Variants in CD55 observed in about 807,000 individuals in gnomAD.
The protein encoded by CD55 is CD55 molecule (Cromer blood group).
In CD55, 41 loss-of-function variants were observed where a neutral mutation model predicts 45.8. The ratio of observed to expected loss-of-function variants is 0.90; its 90% CI spans 0.70 to 1.16. The LOEUF is 1.16. Among genes scored for constraint, CD55 ranks in the 50% most tolerant of loss-of-function variants. The probability of loss-of-function intolerance (pLI) is 0.00; values close to 1 mark genes in which losing one functional copy is unlikely to be tolerated. For synonymous variants in CD55, 181 were observed against 181.1 expected (o/e 1.00, Z 0.01); for missense variants, 416 against 469.8 (o/e 0.89, Z 1.06).
chr1:207,336,438 G>T (rs1655174940), intron 6 of CD55, among the ~76,000 whole-genome samples: 1 of 152,160 alleles, frequency 6.6e-6, no homozygotes, highest in South Asian at 2.1e-4. Flanking sequence ...TATTTCACAA[G>T]AAGCAGCTTA....
At chr1:207,344,484 A>C (rs1029572239) in intron 9 of CD55, among the ~76,000 whole-genome samples, 1 of 151,932 alleles carries the variant, frequency 6.6e-6, no homozygotes, top group African/African-American at 2.4e-5. Context: ...TTTCTCCTTC[A>C]TTTATGAAGG....
chr1:207,331,063 T>C (rs1313014468), intron 5 of CD55, 45 bp from the exon 6 acceptor site: 1 of 1,285,272 alleles, frequency 7.8e-7, no homozygotes, highest in Non-Finnish European at 1.1e-6. Flanking sequence ...TAAAAATACT[T>C]TACTAGTTTT....
intron 9 of CD55, among the ~76,000 whole-genome samples, chr1:207,355,677 G>A (rs2484257): frequency 0.98 from 149,865 of 152,278 alleles, 73,792 homozygotes; most frequent in Middle Eastern, 1. Context: ...TATATCTACT[G>A]TAAACTAGGT....
In CD55 at chr1:207,325,741, A is replaced by G. The variant is rs180879554; in HGVS notation, c.578+20A>G. 3.5e-3 allele frequency: 4,903 copies of G among 1,409,700 alleles called. 19 individuals are homozygous for G. Among genetic ancestry groups the G allele is most frequent in the Non-Finnish European group, 4.5e-3 (4,493 of 999,810 alleles). 87.3% of individuals were successfully genotyped at this position (1,409,700 alleles called of 1,614,324 possible). A position where few individuals can be genotyped will look rare whatever the true frequency, so the allele number is the denominator to read the frequency against. On this transcript the variant is annotated intron_variant, in intron 4 of 9. Coordinates refer to ENST00000367064, the MANE Select transcript of CD55 (RefSeq NM_000574.5). ...CACAGGGTAAGTTTGGGCATACTAAAACCCTGTATTTAGGAAATGAGAAAA... is the reference window on the plus strand; with the variant it reads ...CACAGGGTAAGTTTGGGCATACTAAGACCCTGTATTTAGGAAATGAGAAAA...
chr1:207,327,618 C>T (rs1367420267), intron 5 of CD55, among the ~76,000 whole-genome samples: 1 of 152,158 alleles, frequency 6.6e-6, no homozygotes, highest in Non-Finnish European at 1.5e-5. Flanking sequence ...AATGTGCCCT[C>T]CTGCAAATGA....
At chr1:207,352,542 G>GT (rs1655908683) in intron 9 of CD55, among the ~76,000 whole-genome samples, 1 of 152,082 alleles carries the variant, frequency 6.6e-6, no homozygotes, top group Admixed American at 6.6e-5. Context: ...TTTGAATCCT[G>GT]TTTTTTTCAC....
intron 8 of CD55, among the ~76,000 whole-genome samples, chr1:207,338,620 A>C (rs944584914): frequency 6.6e-6 from 1 of 152,172 alleles, no homozygotes; most frequent in Non-Finnish European, 1.5e-5. Flanking sequence ...TCAGGGCACA[A>C]TATAAAAAAA....
chr1:207,326,831 T>G lies in CD55; in HGVS notation c.658T>G (p.Cys220Gly), dbSNP rs755099304. The G allele has an allele frequency of 1.9e-6, 3 of 1,612,074 alleles. No homozygotes were observed. Among genetic ancestry groups the G allele is most frequent in the Non-Finnish European group, 2.5e-6 (3 of 1,178,422 alleles). The change falls in exon 5 of 10, where the codon TGC becomes GGC. Residue 220 changes from cysteine (C) to glycine (G), a missense_variant. By Grantham distance (159) the Cys-to-Gly change is radical (BLOSUM62 -3). Coordinates refer to ENST00000367064, the MANE Select transcript of CD55 (RefSeq NM_000574.5). ...SVQWSDPLPECREIYCPAPPQ... is the reference protein window; with the variant it reads ...SVQWSDPLPEGREIYCPAPPQ... ...CCAGTGGAGTGACCCGTTGCCAGAG[T>G]GCAGAGGTAAGAGTTAAAAAATCTA...
At chr1:207,332,980 A>G (rs1655015997) in intron 6 of CD55, among the ~76,000 whole-genome samples, 1 of 152,136 alleles carries the variant, frequency 6.6e-6, no homozygotes. Context: ...GAAACCAGCA[A>G]AGCTTTAATG....
Position 207,336,793 on chromosome 1 carries a change from A to G in CD55, c.954A>G (p.Thr318=), listed in dbSNP as rs1452653122. The G allele has an allele frequency of 5.0e-6, 8 of 1,613,898 alleles. No individual in the cohort carries two copies. Among genetic ancestry groups the G allele is most frequent in the Non-Finnish European group, 6.8e-6 (8 of 1,179,808 alleles). Residue 318 remains threonine (T), a synonymous_variant, in exon 7 of 10, where the codon ACA becomes ACG. Transcript: ENST00000367064. ...EVSPTSQKTT[T]KTTTPNAQAT... ...CACCAACTTCTCAGAAAACCACCAC[A>G]AAAACCACCACACCAAATGCTCAAG...
intron 9 of CD55, among the ~76,000 whole-genome samples, chr1:207,340,115 C>G (rs1377248142): frequency 2.6e-5 from 4 of 152,132 alleles, no homozygotes; most frequent in African/African-American, 9.7e-5. Context: ...CTTCATCCTC[C>G]CTCCTACTCA....
At chr1:207,326,362 G>A (rs1049476254) in intron 4 of CD55, among the ~76,000 whole-genome samples, 1 of 152,174 alleles carries the variant, frequency 6.6e-6, no homozygotes, top group African/African-American at 2.4e-5. Context: ...ATATTGGTTA[G>A]GTCATGAACA....
chr1:207,347,628 A>G (rs1655700870), intron 9 of CD55: 1 of 194,260 alleles, frequency 5.1e-6, no homozygotes, highest in Non-Finnish European at 1.1e-5. Context: ...GGTTTGTTAC[A>G]TGGGTAAATT....
intron 9 of CD55, among the ~76,000 whole-genome samples, chr1:207,346,177 G>A (rs1257728): frequency 0.23 from 35,746 of 152,204 alleles, 5,537 homozygotes; most frequent in East Asian, 0.58. Context: ...CTGTGCCAGT[G>A]TTGGCTGTGG....
intron 6 of CD55, among the ~76,000 whole-genome samples, chr1:207,331,839 T>A (rs911893112): frequency 1.3e-5 from 2 of 152,168 alleles, no homozygotes; most frequent in Non-Finnish European, 2.9e-5. Context: ...ACTCTCAGAA[T>A]CCTTCGAACT....
intron 9 of CD55, among the ~76,000 whole-genome samples, chr1:207,350,437 C>G (rs188924850): frequency 1.3e-5 from 2 of 152,154 alleles, no homozygotes; most frequent in East Asian, 3.9e-4. Flanking sequence ...GGTACCGGCT[C>G]TTGTTTGTAT....
At chr1:207,359,516 C>CTTTTTTTTTTTTTTTTT in intron 9 of CD55, 30 bp from the exon 10 acceptor site, 2 of 1,284,872 alleles carry the variant, frequency 1.6e-6, no homozygotes, top group Non-Finnish European at 2.0e-6. Context: ...TTGATTTTAA[C>CTTTTTTTTTTTTTTTTT]TTTTTTTTTT....
chr1:207,341,479 T>C (rs1655422797), intron 9 of CD55, among the ~76,000 whole-genome samples: 3 of 151,802 alleles, frequency 2.0e-5, no homozygotes, highest in Admixed American at 2.0e-4. Flanking sequence ...CATTCTTCTG[T>C]ATTTTCCCAG....
At chr1:207,341,709 G>A (rs755591146) in intron 9 of CD55, among the ~76,000 whole-genome samples, 13 of 151,768 alleles carry the variant, frequency 8.6e-5, no homozygotes, top group Admixed American at 4.6e-4. Context: ...GTTTTTGCTC[G>A]GGTTGTGTTA....
Sources: gnomAD v4.1 joint callset for allele counts (sites outside exome capture counted in the v4.1 genomes callset) on GRCh38, gnomAD v4.1.1 for gene constraint, MANE v1.5 for transcripts, NCBI Gene and HGNC (gene_info 2026-07-23, HGNC 2026-07-21) for gene names.